CHRM3: variants seen among roughly 807,000 people sequenced by gnomAD.
CHRM3 encodes cholinergic receptor muscarinic 3.
In CHRM3, 11 loss-of-function variants were observed where a neutral mutation model predicts 41.8. That is an observed-to-expected ratio of 0.26 (90% CI 0.17 to 0.44). The LOEUF (loss-of-function observed/expected upper bound fraction) is 0.44, where lower values mean the gene tolerates loss of function less well. Ranked by LOEUF, CHRM3 falls within the 20% of genes least tolerant of loss-of-function variation. The pLI is 1.00. For missense variants in CHRM3, 571 were observed against 745.4 expected, an observed-to-expected ratio of 0.77 and a Z score of 2.72; for synonymous variants, 297 against 301.4, an observed-to-expected ratio of 0.99 and a Z score of 0.15.
intron 5 of CHRM3, among the ~76,000 whole-genome samples, chr1:239,818,209 A>G (rs1335478572): frequency 6.6e-6 from 1 of 152,116 alleles, no homozygotes; most frequent in Non-Finnish European, 1.5e-5. Flanking sequence ...CTCTGTACCC[A>G]CAAAAAGAGA....
At chr1:239,455,968 A>ATT (rs1664901794) in intron 1 of CHRM3, among the ~76,000 whole-genome samples, 1 of 152,078 alleles carries the variant, frequency 6.6e-6, no homozygotes, top group Admixed American at 6.6e-5. Context: ...GTAGACGAGG[A>ATT]AATGGGAGGT....
At position 239,687,005 on chromosome 1, in the gene CHRM3, CTT is replaced by C. The variant is rs913213039; in HGVS notation, c.-147+8718_-147+8719del. ...AGTGCTTTAAAATATATGATGCTCT[CTT>C]AAGAAAAATAGCTATTACTTAATAT... On this transcript the variant is annotated intron_variant, in intron 5 of 6. Coordinates refer to ENST00000676153, the MANE Select transcript of CHRM3 (RefSeq NM_001375978.1). Among the ~76,000 whole-genome samples, 7 of 152,114 alleles carry C rather than the reference CTT, an allele frequency of 4.6e-5. No homozygotes were observed. In the East Asian group the frequency reaches 5.8e-4, roughly 13 times the overall value.
intron 3 of CHRM3, among the ~76,000 whole-genome samples, chr1:239,577,876 C>T (rs1662520345): frequency 6.6e-6 from 1 of 152,094 alleles, no homozygotes; most frequent in South Asian, 2.1e-4. Context: ...GTGCCCATGG[C>T]AAGCATACGG....
At chr1:239,401,394 G>C (rs1659959946) in intron 1 of CHRM3, among the ~76,000 whole-genome samples, 1 of 152,072 alleles carries the variant, frequency 6.6e-6, no homozygotes, top group South Asian at 2.1e-4. Flanking sequence ...CGTTTGACTT[G>C]ACTTTCCTTA....
intron 6 of CHRM3, among the ~76,000 whole-genome samples, chr1:239,848,547 C>T (rs1339476083): frequency 3.3e-5 from 5 of 151,934 alleles, no homozygotes; most frequent in Non-Finnish European, 7.4e-5. Context: ...TCACTTTATC[C>T]TCATATTTTA....
At chr1:239,740,387 T>C (rs185593160) in intron 5 of CHRM3, among the ~76,000 whole-genome samples, 61 of 152,230 alleles carry the variant, frequency 4.0e-4, no homozygotes, top group Admixed American at 7.8e-4. Flanking sequence ...GCTGGAAATC[T>C]GAAATTTTGA....
chr1:239,833,757 A>G (rs1673075546), intron 6 of CHRM3, among the ~76,000 whole-genome samples: 2 of 152,080 alleles, frequency 1.3e-5, no homozygotes, highest in African/African-American at 4.8e-5. Context: ...TCAGCATAAA[A>G]CTGCCTCATT....
intron 5 of CHRM3, among the ~76,000 whole-genome samples, chr1:239,824,409 G>A (rs1014159572): frequency 2.0e-5 from 3 of 152,082 alleles, no homozygotes; most frequent in Non-Finnish European, 2.9e-5. Context: ...CCCAATGTTC[G>A]ATACTTGTGC....
chr1:239,799,913 A>G (rs192841007), intron 5 of CHRM3, among the ~76,000 whole-genome samples: 164 of 152,222 alleles, frequency 1.1e-3, no homozygotes, highest in Middle Eastern at 3.4e-3. Context: ...CAATCCACAG[A>G]CTCAACTGAT....
intron 6 of CHRM3, among the ~76,000 whole-genome samples, chr1:239,832,040 G>T (rs1672934979): frequency 6.6e-6 from 1 of 152,148 alleles, no homozygotes; most frequent in Non-Finnish European, 1.5e-5. Context: ...GACCTTTATA[G>T]AAATGAAGAA....
intron 5 of CHRM3, among the ~76,000 whole-genome samples, chr1:239,715,218 A>G (rs914547771): frequency 2.0e-5 from 3 of 151,644 alleles, no homozygotes; most frequent in East Asian, 2.0e-4. Context: ...GCATATTTAA[A>G]TTGGTTAAGA....
intron 3 of CHRM3, among the ~76,000 whole-genome samples, chr1:239,611,291 C>A (rs1456551471): frequency 6.6e-6 from 1 of 151,704 alleles, no homozygotes; most frequent in Non-Finnish European, 1.5e-5. Flanking sequence ...GAGTCCTTCT[C>A]GATTATAGTC....
intron 3 of CHRM3, among the ~76,000 whole-genome samples, chr1:239,572,059 T>C (rs939076831): frequency 2.0e-5 from 3 of 152,208 alleles, no homozygotes; most frequent in Non-Finnish European, 2.9e-5. Context: ...AGCATCCTAT[T>C]GGAAAGTTAC....
chr1:239,812,265 CCCCAGCTCAA>C, intron 5 of CHRM3, among the ~76,000 whole-genome samples: 1 of 152,190 alleles, frequency 6.6e-6, no homozygotes, highest in Admixed American at 6.5e-5. Flanking sequence ...GTCTCATACT[CCCCAGCTCAA>C]GTGATCCTCT....
At chr1:239,591,638 AC>A (rs1664168125) in intron 3 of CHRM3, among the ~76,000 whole-genome samples, 1 of 152,142 alleles carries the variant, frequency 6.6e-6, no homozygotes, top group South Asian at 2.1e-4. Flanking sequence ...ATTACTCTGA[AC>A]TAAGATTCGG....
At position 239,899,909 on chromosome 1, in the gene CHRM3, G is replaced by C. The variant is rs561870031; in HGVS notation, c.-19-7524G>C. On this transcript the variant is annotated intron_variant, in intron 6 of 6. Transcript: ENST00000676153. The stretch of plus-strand genomic sequence containing the variant: ...AGAGAGGAGCCAGGCACCTGCCCCT[G>C]GTCTGCCCCTATCTGACCATGCCCT... 3 of 150,562 alleles carry C rather than the reference G, an allele frequency of 2.0e-5. No individual in the cohort carries two copies. The South Asian group carries it at 6.2e-4, about 31-fold the overall frequency. The allele number at this position is 150,562 out of a possible 1,614,324, so 9.3% of individuals were successfully genotyped here. A position where few individuals can be genotyped will look rare whatever the true frequency, so the allele number is the denominator to read the frequency against.
At chr1:239,611,859 T>C (rs1489742153) in intron 3 of CHRM3, among the ~76,000 whole-genome samples, 1 of 152,232 alleles carries the variant, frequency 6.6e-6, no homozygotes, top group Non-Finnish European at 1.5e-5. Context: ...ACCAATGTTA[T>C]AATTAAGAAG....
intron 3 of CHRM3, among the ~76,000 whole-genome samples, chr1:239,574,982 C>T (rs185140640): frequency 1.1e-3 from 168 of 152,264 alleles, no homozygotes; most frequent in Non-Finnish European, 1.9e-3. Flanking sequence ...ATGTTGCCAA[C>T]AGAATAGACG....
chr1:239,531,666 TTTTTTTTTTTG>T (rs1670422004), intron 2 of CHRM3, among the ~76,000 whole-genome samples: 2 of 118,278 alleles, frequency 1.7e-5, no homozygotes, highest in Non-Finnish European at 3.5e-5. Context: ...TTTTTTTTTT[TTTTTTTTTTTG>T]GAGGCAGAGT....
Sources: allele counts gnomAD v4.1 joint callset (sites outside exome capture counted in the v4.1 genomes callset), GRCh38; gene constraint gnomAD v4.1.1; transcripts MANE v1.5; gene names NCBI Gene and HGNC (gene_info 2026-07-23, HGNC 2026-07-21).